Variants in MYT1L observed in about 807,000 individuals in gnomAD.
The protein encoded by MYT1L is myelin transcription factor 1-like protein.
A neutral mutation model predicts 126.7 loss-of-function variants in MYT1L; 12 were observed. The ratio of observed to expected loss-of-function variants is 0.09; its 90% CI spans 0.06 to 0.15. The LOEUF is 0.15. MYT1L is among the 10% of genes least tolerant of loss of function. MYT1L has a pLI of 1.00. For missense variants in MYT1L, 979 were observed against 1,585.2 expected (o/e 0.62, Z 6.49); for synonymous variants, 541 against 604.2 (o/e 0.90, Z 1.53).
intron 3 of MYT1L, among the ~76,000 whole-genome samples, chr2:2,072,140 T>C (rs935178802): frequency 6.6e-6 from 1 of 152,230 alleles, no homozygotes; most frequent in Non-Finnish European, 1.5e-5. Flanking sequence ...AGCCGCTCTC[T>C]GCTGACTCCT....
chr2:1,915,235 T>C (rs1304553831), intron 11 of MYT1L, among the ~76,000 whole-genome samples: 1 of 152,182 alleles, frequency 6.6e-6, no homozygotes, highest in Non-Finnish European at 1.5e-5. Flanking sequence ...CTTCTATGGA[T>C]GGAATTCTCT....
At chr2:2,118,930 G>A (rs2080585663) in intron 3 of MYT1L, among the ~76,000 whole-genome samples, 1 of 152,272 alleles carries the variant, frequency 6.6e-6, no homozygotes, top group Non-Finnish European at 1.5e-5. Context: ...AACAGTGACG[G>A]AATTAAGAGC....
intron 1 of MYT1L, chr2:2,324,288 T>G (rs573591032): frequency 2.0e-5 from 3 of 152,194 alleles, no homozygotes; most frequent in Non-Finnish European, 4.4e-5. Context: ...GACAAGCAGT[T>G]GTTCCCACGG....
chr2:2,315,068 T>G (rs988979668), intron 1 of MYT1L, among the ~76,000 whole-genome samples: 6 of 152,274 alleles, frequency 3.9e-5, no homozygotes, highest in East Asian at 1.9e-4. Flanking sequence ...TCTCTGTGCT[T>G]TCTATCTCAG....
intron 8 of MYT1L, among the ~76,000 whole-genome samples, chr2:1,970,177 C>T (rs1044903075): frequency 1.3e-5 from 2 of 152,148 alleles, no homozygotes; most frequent in Non-Finnish European, 2.9e-5. Context: ...TTCCCAGAGC[C>T]GGACTCAGGA....
chr2:2,157,310 G>A (rs577321449), intron 3 of MYT1L, among the ~76,000 whole-genome samples: 7 of 152,216 alleles, frequency 4.6e-5, no homozygotes, highest in African/African-American at 1.7e-4. Context: ...TGCTTCATTA[G>A]TTTAACAATG....
intron 5 of MYT1L, among the ~76,000 whole-genome samples, chr2:1,984,228 A>G (rs1040615438): frequency 1.3e-5 from 2 of 152,082 alleles, no homozygotes; most frequent in Admixed American, 6.6e-5. Context: ...TATATATTTG[A>G]TACATATATT....
intron 3 of MYT1L, among the ~76,000 whole-genome samples, chr2:2,126,312 C>T (rs1202195998): frequency 6.6e-6 from 1 of 152,166 alleles, no homozygotes; most frequent in Non-Finnish European, 1.5e-5. Flanking sequence ...AATGTTTGCA[C>T]TAGAATTGTT....
At chr2:2,194,231 C>A (rs1352651683) in intron 2 of MYT1L, among the ~76,000 whole-genome samples, 1 of 151,948 alleles carries the variant, frequency 6.6e-6, no homozygotes, top group Non-Finnish European at 1.5e-5. Flanking sequence ...AGGCACAAGC[C>A]CCTTTTTCTG....
At chr2:2,321,572 G>A (rs371614877) in intron 1 of MYT1L, among the ~76,000 whole-genome samples, 4 of 152,134 alleles carry the variant, frequency 2.6e-5, no homozygotes, top group African/African-American at 7.2e-5. Flanking sequence ...AGGTGATGCC[G>A]ACTTTTGAAA....
At chr2:2,215,826 A>G (rs542076098) in intron 2 of MYT1L, among the ~76,000 whole-genome samples, 2 of 152,002 alleles carry the variant, frequency 1.3e-5, no homozygotes, top group East Asian at 1.9e-4. Flanking sequence ...CCAGTGTTGG[A>G]GGTGGTCCCT....
intron 2 of MYT1L, among the ~76,000 whole-genome samples, chr2:2,240,958 G>T (rs1265734275): frequency 6.6e-6 from 1 of 152,138 alleles, no homozygotes; most frequent in African/African-American, 2.4e-5. Flanking sequence ...GTGTCCCTGC[G>T]ATTTGGGGTT....
intron 3 of MYT1L, among the ~76,000 whole-genome samples, chr2:2,093,402 T>TA (rs2077096214): frequency 7.4e-6 from 1 of 134,338 alleles, no homozygotes. Context: ...GAAAACAATG[T>TA]ACAAAAAAAA....
chr2:2,177,615 C>T (rs1201305844), intron 2 of MYT1L, among the ~76,000 whole-genome samples: 1 of 152,158 alleles, frequency 6.6e-6, no homozygotes, highest in East Asian at 1.9e-4. Context: ...CCTCAGGAAA[C>T]TTACAATCAT....
Position 2,142,983 on chromosome 2 carries a change from G to A in MYT1L, c.-304+29889C>T, listed in dbSNP as rs373540808. ...CTTACAGGTGTGAGCCACCATGCCC[G>A]GCCATAACTTTTTTAAAAAGTTGTA... On this transcript the variant is annotated intron_variant, in intron 3 of 24. Coordinates refer to ENST00000647738, the MANE Select transcript of MYT1L (RefSeq NM_001303052.2). Among the ~76,000 whole-genome samples the A allele has an allele frequency of 6.6e-4, 99 of 150,336 alleles. 1 individual carries two copies. Among genetic ancestry groups the A allele is most frequent in the South Asian group, 4.7e-3 (22 of 4,640 alleles).
intron 14 of MYT1L, among the ~76,000 whole-genome samples, chr2:1,899,310 G>A (rs1302629393): frequency 2.0e-5 from 3 of 152,396 alleles, no homozygotes; most frequent in East Asian, 1.9e-4. Context: ...GGCACCCTAT[G>A]CATGGCATGG....
chr2:1,877,627 C>G (rs562723502), intron 18 of MYT1L, among the ~76,000 whole-genome samples: 2 of 152,214 alleles, frequency 1.3e-5, no homozygotes, highest in South Asian at 4.1e-4. Flanking sequence ...GGGACATGAA[C>G]GGTGAGAGCT....
chr2:2,261,037 G>A (rs2094951880), intron 2 of MYT1L, among the ~76,000 whole-genome samples: 2 of 152,132 alleles, frequency 1.3e-5, no homozygotes, highest in Non-Finnish European at 2.9e-5. Context: ...AACAAATCCT[G>A]TCTCAGGAAG....
intron 3 of MYT1L, among the ~76,000 whole-genome samples, chr2:2,166,650 C>G (rs974804673): frequency 6.6e-6 from 1 of 152,196 alleles, no homozygotes; most frequent in Non-Finnish European, 1.5e-5. Context: ...GGAAAGTACT[C>G]TTTCACGTTT....
Sources: gnomAD v4.1 joint callset for allele counts (sites outside exome capture counted in the v4.1 genomes callset) on GRCh38, gnomAD v4.1.1 for gene constraint, MANE v1.5 for transcripts, NCBI Gene and HGNC (gene_info 2026-07-23, HGNC 2026-07-21) for gene names.